HIGD2A: variants seen among roughly 807,000 people sequenced by gnomAD.
HIGD2A encodes HIG1 domain family member 2A, mitochondrial.
HIGD2A carries 4 observed loss-of-function variants against 6.3 expected under a neutral mutation model. The observed-to-expected ratio is 0.64, with a 90% CI of 0.31 to 1.46. The LOEUF (loss-of-function observed/expected upper bound fraction) is 1.46. Among genes scored for constraint, HIGD2A ranks in the 40% most tolerant of loss-of-function variants. The probability of loss-of-function intolerance (pLI) is 0.07; values close to 1 mark genes in which losing one functional copy is unlikely to be tolerated. For missense variants in HIGD2A, 143 were observed against 144.8 expected (o/e 0.99, Z 0.06); for synonymous variants, 63 against 59.3 (o/e 1.06, Z -0.29).
At chr5:176,389,219 C>T in intron 1 of HIGD2A, 112 bp from the exon 2 acceptor site, 4 of 1,330,580 alleles carry the variant, frequency 3.0e-6, no homozygotes, top group Non-Finnish European at 4.2e-6. Flanking sequence ...CCCTCGCCGC[C>T]CTCCCTCCGC....
In HIGD2A at chr5:176,389,367, T is replaced by TCTA. The variant is rs1308633280; in HGVS notation, c.194_196dup (p.Tyr65dup). The TCTA allele has an allele frequency of 6.2e-7, 1 of 1,613,982 alleles. No homozygotes were observed. The highest frequency in any genetic ancestry group is 8.5e-7 in the Non-Finnish European group (1 of 1,180,004). Reference sequence around the variant, plus strand: ...ACGGCGGCCGCCCTCACCTACGGCCTCTACTCCTTCCACCGGGGCAACAGC... The same window carrying TCTA: ...ACGGCGGCCGCCCTCACCTACGGCCTCTACTACTCCTTCCACCGGGGCAACAGC... On this transcript the variant is annotated inframe_insertion, in exon 2 of 2. Transcript: ENST00000274787.
chr5:176,389,216 C>T, intron 1 of HIGD2A, 115 bp from the exon 2 acceptor site: 6 of 1,307,052 alleles, frequency 4.6e-6, no homozygotes, highest in South Asian at 1.4e-5. Context: ...CTACCCTCGC[C>T]GCCCTCCCTC....
chr5:176,388,898 A>G lies in HIGD2A; in HGVS notation c.79A>G (p.Thr27Ala). 6.2e-7 allele frequency: 1 copy of G among 1,614,046 alleles called. No homozygotes were observed. Among genetic ancestry groups the G allele is most frequent in the African/African-American group, 1.3e-5 (1 of 74,964 alleles). The change falls in exon 1 of 2, where the codon ACT (threonine) becomes GCT (alanine). Residue 27 changes from threonine to alanine, a missense_variant. Physicochemically the swap from Thr to Ala is moderately conservative, Grantham distance 58 (BLOSUM62 0). Transcript: ENST00000274787. ...TCCAGTCATTGAGGGGCTGAGCCCC[A>G]CTGTTTACAGGAATCCAGAGAGTTT... ...KPPVIEGLSP[T>A]VYRNPESFKE...
In HIGD2A at chr5:176,388,850, G is replaced by C. The variant is rs1050381457; in HGVS notation, c.31G>C (p.Val11Leu). Residue 11 changes from valine to leucine, a missense_variant, in exon 1 of 2, where the codon GTC becomes CTC. Physicochemically the swap from Val to Leu is conservative, Grantham distance 32. Transcript: ENST00000274787. Reference sequence around the variant, plus strand: ...GACTCCCGGCCCTGTGATTCCGGAGGTCCCCTTTGAACCATCGAAGCCTCC... The same window carrying C: ...GACTCCCGGCCCTGTGATTCCGGAGCTCCCCTTTGAACCATCGAAGCCTCC... MATPGPVIPE[V>L]PFEPSKPPVI... 1.2e-6 allele frequency: 2 copies of C among 1,613,998 alleles called. No individual in the cohort carries two copies. The highest frequency in any genetic ancestry group is 2.7e-5 in the African/African-American group (2 of 74,922).
Position 176,389,644 on chromosome 5 carries a change from C to A in HIGD2A, c.*147C>A. ...GAAGTGACCCTTTGTGTAACTGTAACCGAAAGTTTTTTCAAAAATCCTAGA... is the reference window on the plus strand; with the variant it reads ...GAAGTGACCCTTTGTGTAACTGTAAACGAAAGTTTTTTCAAAAATCCTAGA... On this transcript the variant is annotated 3_prime_UTR_variant, in exon 2 of 2. Transcript: ENST00000274787. 1 of 844,346 alleles carries A rather than the reference C, an allele frequency of 1.2e-6. No homozygotes were observed. Among genetic ancestry groups the A allele is most frequent in the Non-Finnish European group, 1.8e-6 (1 of 568,048 alleles). 52.3% of individuals were successfully genotyped at this position (844,346 alleles called of 1,614,324 possible).
intron 1 of HIGD2A, 77 bp downstream of exon 1, chr5:176,389,050 G>C: frequency 1.3e-6 from 2 of 1,560,326 alleles, no homozygotes; most frequent in South Asian, 2.3e-5. Context: ...GGACCAGAGC[G>C]CTAGCGGGGA....
Position 176,389,565 on chromosome 5 carries a change from A to G in HIGD2A, c.*68A>G. The G allele has an allele frequency of 1.3e-6, 2 of 1,490,998 alleles. No homozygotes were observed. The highest frequency in any genetic ancestry group is 4.0e-5 in the Admixed American group (2 of 49,990). 92.4% of individuals were successfully genotyped at this position (1,490,998 alleles called of 1,614,324 possible). A position where few individuals can be genotyped will look rare whatever the true frequency, so the allele number is the denominator to read the frequency against. On this transcript the variant is annotated 3_prime_UTR_variant, in exon 2 of 2. Transcript: ENST00000274787. ...AACCCAGGGAGCAACCACTGGCCCT[A>G]CCGTGGGACTTACTCCCTCCTCTCC... is the stretch of plus-strand genomic sequence containing the variant.
chr5:176,389,071 A>G, intron 1 of HIGD2A, 98 bp downstream of exon 1: 1 of 1,470,172 alleles, frequency 6.8e-7, no homozygotes, highest in Non-Finnish European at 9.3e-7. Context: ...GCGGAAGGAG[A>G]GCGGACTAGA....
At chr5:176,389,213 C>G (rs2113607840) in intron 1 of HIGD2A, 118 bp from the exon 2 acceptor site, 5 of 1,293,274 alleles carry the variant, frequency 3.9e-6, no homozygotes, top group Admixed American at 2.1e-5. Flanking sequence ...GACCTACCCT[C>G]GCCGCCCTCC....
rs1756133790 is a variant in HIGD2A at position 176,388,946 on chromosome 5, A to G, written c.127A>G (p.Thr43Ala). Residue 43 changes from threonine (T) to alanine (A), a missense_variant, in exon 1 of 2, where the codon ACC becomes GCC. Coordinates refer to ENST00000274787, the MANE Select transcript of HIGD2A (RefSeq NM_138820.4). ...TTTCAAGGAAAAGTTCGTTCGCAAG[A>G]CCCGCGAGAACCCGGTGGTACCCAT... is the stretch of plus-strand genomic sequence containing the variant. ...ESFKEKFVRK[T>A]RENPVVPIGC... 1 of 1,614,098 alleles carries G rather than the reference A, an allele frequency of 6.2e-7. No individual in the cohort carries two copies. The highest frequency in any genetic ancestry group is 8.5e-7 in the Non-Finnish European group (1 of 1,180,022).
rs747275852 is a variant in HIGD2A, at chr5:176,388,982, G to C, written c.154+9G>C. ...CCCGGTGGTACCCATAGGTAAGTGG[G>C]TGCGGTAGGAACTGCACAAGGAGAG... is the stretch of plus-strand genomic sequence containing the variant. On this transcript the variant is annotated intron_variant, in intron 1 of 1. Transcript: ENST00000274787. 6.2e-7 allele frequency: 1 copy of C among 1,613,904 alleles called. No homozygotes were observed. Among genetic ancestry groups the C allele is most frequent in the Admixed American group, 1.7e-5 (1 of 60,020 alleles).
Position 176,388,759 on chromosome 5 carries a change from T to C in HIGD2A, c.-61T>C. On this transcript the variant is annotated 5_prime_UTR_variant, in exon 1 of 2. The change abolishes an upstream ATG in the 5' untranslated region. Coordinates refer to ENST00000274787, the MANE Select transcript of HIGD2A (RefSeq NM_138820.4). The stretch of plus-strand genomic sequence containing the variant: ...TTTATTCGTTTCCCCGCCCCTTTCA[T>C]GACCTTCACCGGGAGGCTGAGGTCG... The C allele has an allele frequency of 1.3e-6, 2 of 1,580,072 alleles. No homozygotes were observed. The highest frequency in any genetic ancestry group is 1.4e-5 in the African/African-American group (1 of 73,450).
chr5:176,389,084 A>G lies in HIGD2A; in HGVS notation c.154+111A>G, dbSNP rs1756146011. 6 of 1,395,812 alleles carry G rather than the reference A, an allele frequency of 4.3e-6. No homozygotes were observed. The South Asian group carries it at 6.3e-5, about 15-fold the overall frequency. The allele number at this position is 1,395,812 out of a possible 1,614,324, so 86.5% of individuals were successfully genotyped here. ...GAGCGGAAGGAGAGCGGACTAGAGA[A>G]GAGACGAGGGGGCGGGGCGGTGAGG... On this transcript the variant is annotated intron_variant, in intron 1 of 1. Transcript: ENST00000274787.
At position 176,389,323 on chromosome 5, in the gene HIGD2A, C is replaced by CT. The variant is rs1401846829; in HGVS notation, c.155-7dup. ...TGCTGTTTCCCAGTTGCTTTGTCCCCTCCTCAGGTTGCCTGGCCACGGCGG... is the reference window on the plus strand; with the variant it reads ...TGCTGTTTCCCAGTTGCTTTGTCCCCTTCCTCAGGTTGCCTGGCCACGGCGG... On this transcript the variant is annotated splice_polypyrimidine_tract_variant and splice_region_variant and intron_variant, in intron 1 of 1. Coordinates refer to ENST00000274787, the MANE Select transcript of HIGD2A (RefSeq NM_138820.4). 1 of 1,611,952 alleles carries CT rather than the reference C, an allele frequency of 6.2e-7. No individual in the cohort carries two copies.
chr5:176,389,041 G>C, intron 1 of HIGD2A, 68 bp downstream of exon 1: 2 of 1,579,900 alleles, frequency 1.3e-6, no homozygotes, highest in Non-Finnish European at 8.6e-7. Context: ...AGTAGAGAAG[G>C]ACCAGAGCGC....
chr5:176,389,418 C>T lies in HIGD2A; in HGVS notation c.242C>T (p.Thr81Ile), dbSNP rs768600676. 5 of 1,614,080 alleles carry T rather than the reference C, an allele frequency of 3.1e-6. No individual in the cohort carries two copies. Among genetic ancestry groups the T allele is most frequent in the African/African-American group, 2.7e-5 (2 of 74,926 alleles). ...NSQRSQLMMR[T>I]RIAAQGFTVA... is the part of the protein sequence containing the mutation. ...CAGCGCTCTCAGCTCATGATGCGCA[C>T]CCGGATCGCCGCCCAGGGTTTCACG... The change falls in exon 2 of 2, where the codon ACC becomes ATC. Residue 81 changes from threonine (T) to isoleucine (I), a missense_variant. By Grantham distance (89) the Thr-to-Ile change is moderately conservative (BLOSUM62 -1). Transcript: ENST00000274787.
Position 176,389,259 on chromosome 5 carries a change from G to C in HIGD2A, c.155-72G>C, listed in dbSNP as rs979069126. On this transcript the variant is annotated intron_variant, in intron 1 of 1. Coordinates refer to ENST00000274787, the MANE Select transcript of HIGD2A (RefSeq NM_138820.4). ...ATCCAGAGATCTTGGCTTTGGGGAAGCGAGACCCAAAGCGGGGAATGACCT... is the reference window on the plus strand; with the variant it reads ...ATCCAGAGATCTTGGCTTTGGGGAACCGAGACCCAAAGCGGGGAATGACCT... 9.2e-6 allele frequency: 14 copies of C among 1,517,972 alleles called. No individual in the cohort carries two copies. In the African/African-American group the frequency reaches 1.2e-4, roughly 13 times the overall value. 94.0% of individuals were successfully genotyped at this position (1,517,972 alleles called of 1,614,324 possible). A position where few individuals can be genotyped will look rare whatever the true frequency, so the allele number is the denominator to read the frequency against.
intron 1 of HIGD2A, 48 bp from the exon 2 acceptor site, chr5:176,389,283 C>A: frequency 3.8e-6 from 6 of 1,577,688 alleles, no homozygotes; most frequent in Non-Finnish European, 5.2e-6. Context: ...GGGGAATGAC[C>A]TGCGGGGCCC....
In HIGD2A at chr5:176,388,916, G is replaced by C; in HGVS notation, c.97G>C (p.Glu33Gln). The C allele has an allele frequency of 6.2e-7, 1 of 1,614,196 alleles. No individual in the cohort carries two copies. Among genetic ancestry groups the C allele is most frequent in the Non-Finnish European group, 8.5e-7 (1 of 1,180,048 alleles). ...GLSPTVYRNP[E>Q]SFKEKFVRKT... is the part of the protein sequence containing the mutation. ...GAGCCCCACTGTTTACAGGAATCCA[G>C]AGAGTTTCAAGGAAAAGTTCGTTCG... Residue 33 changes from glutamate to glutamine, a missense_variant, in exon 1 of 2, where the codon GAG becomes CAG. By Grantham distance (29) the Glu-to-Gln change is conservative. Transcript: ENST00000274787.
Sources: gnomAD v4.1 joint callset for allele counts on GRCh38, gnomAD v4.1.1 for gene constraint, MANE v1.5 for transcripts, NCBI Gene and HGNC (gene_info 2026-07-23, HGNC 2026-07-21) for gene names.